Variants in TMCC2 observed in about 807,000 individuals in gnomAD.
TMCC2 encodes transmembrane and coiled-coil domain family 2, also known as transmembrane and coiled-coil domains protein 2.
A neutral mutation model predicts 49.4 loss-of-function variants in TMCC2; 16 were observed. That is an observed-to-expected ratio of 0.32 (90% CI 0.22 to 0.49). The LOEUF is 0.49. TMCC2 is among the 20% of genes least tolerant of loss of function. The probability of loss-of-function intolerance (pLI) is 0.99; values close to 1 mark genes in which losing one functional copy is unlikely to be tolerated. For missense variants in TMCC2, 762 were observed against 989.8 expected, an observed-to-expected ratio of 0.77 and a Z score of 3.09; for synonymous variants, 397 against 434.1, an observed-to-expected ratio of 0.91 and a Z score of 1.06.
At position 205,228,324 on chromosome 1, in the gene TMCC2, C is replaced by T. The variant is rs1044364169; in HGVS notation, c.-241C>T. On this transcript the variant is annotated 5_prime_UTR_variant, in exon 1 of 5. Coordinates refer to ENST00000358024, the MANE Select transcript of TMCC2 (RefSeq NM_014858.4). ...TCTTGCTGCCCAGCCTCGACTGTGACCTGTCTTCGCTCCCCAGGTCGAAAT... is the reference window on the plus strand; with the variant it reads ...TCTTGCTGCCCAGCCTCGACTGTGATCTGTCTTCGCTCCCCAGGTCGAAAT... The T allele has an allele frequency of 4.7e-6, 2 of 424,926 alleles. No individual in the cohort carries two copies. The highest frequency in any genetic ancestry group is 3.9e-5 in the African/African-American group (2 of 50,968). 26.3% of individuals were successfully genotyped at this position (424,926 alleles called of 1,614,324 possible).
At chr1:205,265,680 C>T (rs1661294038) in intron 2 of TMCC2, among the ~76,000 whole-genome samples, 1 of 151,722 alleles carries the variant, frequency 6.6e-6, no homozygotes, top group Admixed American at 6.6e-5. Context: ...CCTGCCTCAG[C>T]CTCCTCAGTA....
intron 4 of TMCC2, 43 bp from the exon 5 acceptor site, chr1:205,271,770 G>A (rs1413529843): frequency 1.3e-6 from 2 of 1,586,362 alleles, no homozygotes; most frequent in Admixed American, 1.7e-5. Flanking sequence ...TAGGGGTCCT[G>A]CCCATCCTGA....
chr1:205,228,873 G>A, intron 1 of TMCC2, 102 bp downstream of exon 1: 1 of 1,464,904 alleles, frequency 6.8e-7, no homozygotes, highest in South Asian at 1.4e-5. Context: ...GGGAAGCCAG[G>A]CAAAGGTCAG....
In TMCC2 at chr1:205,271,268, C is replaced by G; in HGVS notation, c.1818+13C>G. 1.2e-6 allele frequency: 2 copies of G among 1,614,006 alleles called. No homozygotes were observed. The highest frequency in any genetic ancestry group is 8.5e-7 in the Non-Finnish European group (1 of 1,180,022). On this transcript the variant is annotated intron_variant, in intron 4 of 4. Coordinates refer to ENST00000358024, the MANE Select transcript of TMCC2 (RefSeq NM_014858.4). ...ACGGGACATCCAGGTATGGCCAGGG[C>G]AACCTTGGGAGGCCCCAGATGTGCT...
intron 2 of TMCC2, among the ~76,000 whole-genome samples, chr1:205,255,482 G>A (rs1017096563): frequency 2.0e-5 from 3 of 152,180 alleles, no homozygotes; most frequent in Admixed American, 2.0e-4. Context: ...TTGAACCCAG[G>A]AGGTGGAGGT....
chr1:205,271,090 G>T, intron 3 of TMCC2, 30 bp from the exon 4 acceptor site: 1 of 1,610,384 alleles, frequency 6.2e-7, no homozygotes, highest in South Asian at 1.1e-5. Context: ...GGGGAGCCAG[G>T]ACTGGTGTCA....
rs74139132 is a variant in TMCC2 at position 205,257,018 on chromosome 1, T to A, written c.748-11932T>A. On this transcript the variant is annotated intron_variant, in intron 2 of 4. Transcript: ENST00000358024. ...TGCCTGTCACACCTGGGTGTCCTTA[T>A]GCACACAACTCACAGTGGAACAGCT... 8.9e-3 allele frequency among the ~76,000 whole-genome samples: 1,289 copies of A among 144,962 alleles called. 21 individuals are homozygous for A. Among genetic ancestry groups the A allele is most frequent in the African/African-American group, 0.031 (1,223 of 39,650 alleles).
In TMCC2 at chr1:205,269,403, G is replaced by A; in HGVS notation, c.1201G>A (p.Gly401Ser). ...VRAGISGFGG[G>S]VVEGVKGSLS... ...CGCAGGCATCAGCGGCTTTGGGGGCGGCGTGGTGGAGGGCGTCAAGGGCAG... is the reference window on the plus strand; with the variant it reads ...CGCAGGCATCAGCGGCTTTGGGGGCAGCGTGGTGGAGGGCGTCAAGGGCAG... Residue 401 changes from glycine (G) to serine (S), a missense_variant, in exon 3 of 5, where the codon GGC (glycine) becomes AGC (serine). Gly to Ser is a moderately conservative substitution (Grantham distance 56). Coordinates refer to ENST00000358024, the MANE Select transcript of TMCC2 (RefSeq NM_014858.4). 2 of 1,606,492 alleles carry A rather than the reference G, an allele frequency of 1.2e-6. No individual in the cohort carries two copies. Among genetic ancestry groups the A allele is most frequent in the Non-Finnish European group, 1.7e-6 (2 of 1,174,734 alleles).
intron 1 of TMCC2, among the ~76,000 whole-genome samples, chr1:205,235,819 C>T (rs1465629922): frequency 6.6e-6 from 1 of 152,092 alleles, no homozygotes; most frequent in Non-Finnish European, 1.5e-5. Flanking sequence ...CCTGTAATCC[C>T]AGCACTTTGG....
rs184110108 is a variant in TMCC2 at position 205,248,809 on chromosome 1, A to G, written c.747+6765A>G. On this transcript the variant is annotated intron_variant, in intron 2 of 4. Coordinates refer to ENST00000358024, the MANE Select transcript of TMCC2 (RefSeq NM_014858.4). ...TCATCTCTCCCAGGCCTGGTTAGGC[A>G]TCAATCCCTTCTCTCCTTGTTCAGA... is the stretch of plus-strand genomic sequence containing the variant. Among the ~76,000 whole-genome samples, 418 of 151,882 alleles carry G rather than the reference A, an allele frequency of 2.8e-3. 6 individuals carry two copies. In the Middle Eastern group the frequency reaches 0.037, roughly 14 times the overall value.
At position 205,264,442 on chromosome 1, in the gene TMCC2, C is replaced by G. The variant is rs1422222491; in HGVS notation, c.748-4508C>G. ...CAAGTGATTCTTCTGCCTCAGCCTC[C>G]TGAGTAGCTGGAACAACCGGAACAT... On this transcript the variant is annotated intron_variant, in intron 2 of 4. Transcript: ENST00000358024. The surrounding 1 kb of genome is among the most constrained non-coding windows in gnomAD (Gnocchi z 4.2). Among the ~76,000 whole-genome samples the G allele has an allele frequency of 6.6e-6, 1 of 152,074 alleles. No homozygotes were observed. Among genetic ancestry groups the G allele is most frequent in the Non-Finnish European group, 1.5e-5 (1 of 68,006 alleles).
intron 1 of TMCC2, among the ~76,000 whole-genome samples, chr1:205,235,316 A>G (rs1344767657): frequency 1.3e-5 from 2 of 152,144 alleles, no homozygotes; most frequent in Admixed American, 1.3e-4. Flanking sequence ...TGAGTTCTAG[A>G]TTAATTCCCA....
Position 205,269,110 on chromosome 1 carries a change from T to C in TMCC2, c.908T>C (p.Ile303Thr). 6.2e-7 allele frequency: 1 copy of C among 1,613,964 alleles called. No individual in the cohort carries two copies. Among genetic ancestry groups the C allele is most frequent in the African/African-American group, 1.3e-5 (1 of 75,014 alleles). Residue 303 changes from isoleucine to threonine, a missense_variant, in exon 3 of 5, where the codon ATC (isoleucine) becomes ACC (threonine). Physicochemically the swap from Ile to Thr is moderately conservative, Grantham distance 89. Around this residue, in one of 2 missense-constraint regions of TMCC2, gnomAD observed 440 missense variants for 636.7 expected, o/e 0.69. Transcript: ENST00000358024. ...AAGATCCTGAAGATCACCGAGCAGA[T>C]CAAGATTGAGCAGGAGGCTCGCGAC... is the stretch of plus-strand genomic sequence containing the variant. The part of the protein sequence containing the change: ...HQKILKITEQ[I>T]KIEQEARDDN...
In TMCC2 at chr1:205,229,545, C is replaced by CGGGGGGGGGGG. The variant is rs1241476015; in HGVS notation, c.207+777_207+787dup. The CGGGGGGGGGGG allele has an allele frequency of 3.5e-5, 10 of 283,956 alleles. No individual in the cohort carries two copies. In the African/African-American group the frequency reaches 1.0e-3, roughly 29 times the overall value. The allele number at this position is 283,956 out of a possible 1,614,324, so 17.6% of individuals were successfully genotyped here. A position where few individuals can be genotyped will look rare whatever the true frequency, so the allele number is the denominator to read the frequency against. ...CTCAGTTTGCCGATCTGTGAAGGGG[C>CGGGGGGGGGGG]GGGGGGGGGGGGGTGGTGGCGGGGG... On this transcript the variant is annotated intron_variant, in intron 1 of 4. Coordinates refer to ENST00000358024, the MANE Select transcript of TMCC2 (RefSeq NM_014858.4).
chr1:205,269,030 C>T lies in TMCC2; in HGVS notation c.828C>T (p.Pro276=), dbSNP rs137961859. ...DTDGPISLDV[P]DGAPDPQRTK... ...ACGGCCCCATCAGCCTGGACGTGCCCGATGGGGCACCGGACCCCCAGCGGA... is the reference window on the plus strand; with the variant it reads ...ACGGCCCCATCAGCCTGGACGTGCCTGATGGGGCACCGGACCCCCAGCGGA... The change falls in exon 3 of 5, where the codon CCC becomes CCT. Residue 276 remains proline, a synonymous_variant. Coordinates refer to ENST00000358024, the MANE Select transcript of TMCC2 (RefSeq NM_014858.4). 1.3e-3 allele frequency: 2,066 copies of T among 1,613,484 alleles called. 1 individual carries two copies. The highest frequency in any genetic ancestry group is 1.4e-3 in the Non-Finnish European group (1,632 of 1,180,014).
chr1:205,229,555 G>A (rs1233229716), intron 1 of TMCC2: 6 of 696,568 alleles, frequency 8.6e-6, no homozygotes, highest in Non-Finnish European at 1.0e-5. Flanking sequence ...CGGGGGGGGG[G>A]GGGTGGTGGC....
chr1:205,228,827 C>A (rs1167682373), intron 1 of TMCC2, 56 bp downstream of exon 1: 1 of 1,531,714 alleles, frequency 6.5e-7, no homozygotes, highest in Admixed American at 2.0e-5. Flanking sequence ...TCTCGCCACC[C>A]CACGCAGAAG....
At chr1:205,248,744 C>T (rs1660553678) in intron 2 of TMCC2, among the ~76,000 whole-genome samples, 1 of 151,834 alleles carries the variant, frequency 6.6e-6, no homozygotes, top group African/African-American at 2.4e-5. Flanking sequence ...ACAGCAGTTC[C>T]TGGAAAACCT....
At chr1:205,235,135 C>T (rs746521274) in intron 1 of TMCC2, among the ~76,000 whole-genome samples, 1 of 152,128 alleles carries the variant, frequency 6.6e-6, no homozygotes, top group Non-Finnish European at 1.5e-5. Flanking sequence ...TTTTGTCCCG[C>T]TTGCACCTTA....
Sources: gnomAD v4.1 joint callset for allele counts (sites outside exome capture counted in the v4.1 genomes callset) on GRCh38, gnomAD v4.1.1 for gene constraint, gnomAD v4.1.1 regional missense constraint, Gnocchi (gnomAD v3.1) non-coding constraint, MANE v1.5 for transcripts, NCBI Gene and HGNC (gene_info 2026-07-23, HGNC 2026-07-21) for gene names.